Variants in CRTC1 observed in about 807,000 individuals in gnomAD.
The protein encoded by CRTC1 is CREB-regulated transcription coactivator 1.
In CRTC1, 18 loss-of-function variants were observed where a neutral mutation model predicts 66.1. The ratio of observed to expected loss-of-function variants is 0.27; its 90% CI spans 0.19 to 0.40. The LOEUF is 0.40. Among genes scored for constraint, CRTC1 ranks in the 10% least tolerant of loss-of-function variants. The probability of loss-of-function intolerance (pLI) is 1.00; values close to 1 mark genes in which losing one functional copy is unlikely to be tolerated. For synonymous variants in CRTC1, 416 were observed against 398.8 expected, an observed-to-expected ratio of 1.04 and a Z score of -0.51; for missense variants, 669 against 887.9, an observed-to-expected ratio of 0.75 and a Z score of 3.13.
Position 18,768,361 on chromosome 19 carries a change from G to T in CRTC1, c.1012-124G>T. 1.3e-6 allele frequency: 1 copy of T among 780,024 alleles called. No individual in the cohort carries two copies. The highest frequency in any genetic ancestry group is 2.0e-6 in the Non-Finnish European group (1 of 495,322). 48.3% of individuals were successfully genotyped at this position (780,024 alleles called of 1,614,324 possible). A position where few individuals can be genotyped will look rare whatever the true frequency, so the allele number is the denominator to read the frequency against. On this transcript the variant is annotated intron_variant, in intron 9 of 13. Transcript: ENST00000321949. This position sits in a 1 kb window ranked among gnomAD's most constrained non-coding sequence, Gnocchi z 5.6. ...CTCATCGTGAGGAGCACCCAGCCCA[G>T]GGGCTGCCTGTGATCACAGGGCCCT... is the stretch of plus-strand genomic sequence containing the variant.
chr19:18,727,451 C>T (rs1249673305), intron 1 of CRTC1, among the ~76,000 whole-genome samples: 7 of 150,332 alleles, frequency 4.7e-5, no homozygotes, highest in Non-Finnish European at 7.4e-5. Flanking sequence ...TATGGTGGCA[C>T]GCATCAGTAG....
At chr19:18,693,156 C>A (rs578036181) in intron 1 of CRTC1, among the ~76,000 whole-genome samples, 20 of 151,446 alleles carry the variant, frequency 1.3e-4, no homozygotes, top group African/African-American at 4.6e-4. Flanking sequence ...TTTGGGAGGC[C>A]GAGGTGGGCA....
intron 12 of CRTC1, 117 bp from the exon 13 acceptor site, chr19:18,775,524 C>T (rs1169064186): frequency 1.3e-5 from 12 of 947,028 alleles, no homozygotes; most frequent in African/African-American, 1.7e-5. Context: ...TGCCGAGCAT[C>T]CTGCAGGGAC....
chr19:18,772,634 C>T (rs1201054658), intron 11 of CRTC1, among the ~76,000 whole-genome samples: 1 of 152,210 alleles, frequency 6.6e-6, no homozygotes, highest in Non-Finnish European at 1.5e-5. Context: ...AGCCCCTCTG[C>T]CCCCATCTCC....
At chr19:18,776,842 G>A (rs1345444053) in intron 13 of CRTC1, among the ~76,000 whole-genome samples, 2 of 152,320 alleles carry the variant, frequency 1.3e-5, no homozygotes, top group East Asian at 1.9e-4. Flanking sequence ...CCTCATGGCT[G>A]AGGGAGCCGG....
At chr19:18,721,027 G>C (rs1232319379) in intron 1 of CRTC1, among the ~76,000 whole-genome samples, 1 of 152,140 alleles carries the variant, frequency 6.6e-6, no homozygotes, top group African/African-American at 2.4e-5. Context: ...GGCTCTAGGG[G>C]AGGATCCTTC....
At chr19:18,699,916 C>T (rs918903524) in intron 1 of CRTC1, among the ~76,000 whole-genome samples, 1 of 151,992 alleles carries the variant, frequency 6.6e-6, no homozygotes, top group East Asian at 1.9e-4. Context: ...CAGGTGTCCC[C>T]CGGAGATAGT....
chr19:18,768,890 A>G lies in CRTC1; in HGVS notation c.1320+97A>G, dbSNP rs2054799939. 2 of 1,443,678 alleles carry G rather than the reference A, an allele frequency of 1.4e-6. No homozygotes were observed. Among genetic ancestry groups the G allele is most frequent in the Non-Finnish European group, 1.8e-6 (2 of 1,087,686 alleles). The allele number at this position is 1,443,678 out of a possible 1,614,324, so 89.4% of individuals were successfully genotyped here. A position where few individuals can be genotyped will look rare whatever the true frequency, so the allele number is the denominator to read the frequency against. ...AGTCGGGTTACCTGCTGCATGGGCC[A>G]GGGGTCAGAACCCCAGCGAACGCTG... On this transcript the variant is annotated intron_variant, in intron 10 of 13. Transcript: ENST00000321949. The surrounding 1 kb of genome is among the most constrained non-coding windows in gnomAD (Gnocchi z 5.6).
chr19:18,690,102 G>A (rs565893877), intron 1 of CRTC1, among the ~76,000 whole-genome samples: 6 of 150,266 alleles, frequency 4.0e-5, no homozygotes, highest in Non-Finnish European at 5.9e-5. Flanking sequence ...GGAAGGGAAG[G>A]GGGGAGTGTC....
intron 1 of CRTC1, among the ~76,000 whole-genome samples, chr19:18,703,637 G>A (rs1327578496): frequency 6.6e-6 from 1 of 151,850 alleles, no homozygotes; most frequent in Admixed American, 6.6e-5. Context: ...TAATTTTTGC[G>A]TTTTTAGTAG....
intron 6 of CRTC1, among the ~76,000 whole-genome samples, chr19:18,754,100 CAAAAA>C (rs35678786): frequency 2.5e-5 from 2 of 80,786 alleles, no homozygotes; most frequent in African/African-American, 9.5e-5. Context: ...GACTCCATCT[CAAAAA>C]AAAAAAAAAA....
chr19:18,749,601 G>A lies in CRTC1; in HGVS notation c.444-180G>A, dbSNP rs150447675. Among the ~76,000 whole-genome samples the A allele has an allele frequency of 5.2e-3, 787 of 152,332 alleles. 6 individuals are homozygous for A. Among genetic ancestry groups the A allele is most frequent in the African/African-American group, 0.016 (668 of 41,578 alleles). On this transcript the variant is annotated intron_variant, in intron 4 of 13. Coordinates refer to ENST00000321949, the MANE Select transcript of CRTC1 (RefSeq NM_015321.3). ...TTCACGAGCTTTGCAGATGAACACC[G>A]CAGTCACTCTGGTGGCTCTTTTTAG...
chr19:18,708,070 A>G (rs1239036764), intron 1 of CRTC1, among the ~76,000 whole-genome samples: 2 of 152,200 alleles, frequency 1.3e-5, no homozygotes, highest in Non-Finnish European at 2.9e-5. Flanking sequence ...GCAGTGGGAC[A>G]TTAGGGGTGA....
chr19:18,771,295 G>A lies in CRTC1; in HGVS notation c.1321-147G>A. The A allele has an allele frequency of 1.6e-6, 1 of 632,558 alleles. No individual in the cohort carries two copies. Among genetic ancestry groups the A allele is most frequent in the Non-Finnish European group, 2.7e-6 (1 of 372,142 alleles). The allele number at this position is 632,558 out of a possible 1,614,324, so 39.2% of individuals were successfully genotyped here. ...TTCCTGCAGGTGTCCAGGCTCCTCT[G>A]CCTACCAGTGGGGTGGCGACCATCA... On this transcript the variant is annotated intron_variant, in intron 10 of 13. Coordinates refer to ENST00000321949, the MANE Select transcript of CRTC1 (RefSeq NM_015321.3). This position sits in a 1 kb window ranked among gnomAD's most constrained non-coding sequence, Gnocchi z 4.6.
intron 1 of CRTC1, among the ~76,000 whole-genome samples, chr19:18,731,319 G>A (rs1384280879): frequency 6.6e-6 from 1 of 152,106 alleles, no homozygotes; most frequent in Non-Finnish European, 1.5e-5. Flanking sequence ...CCAGCTCCTG[G>A]TGGCCCAGCG....
chr19:18,693,479 G>GT (rs1294890403), intron 1 of CRTC1, among the ~76,000 whole-genome samples: 1,999 of 129,618 alleles, frequency 0.015, 90 homozygotes, highest in South Asian at 0.022. Flanking sequence ...TAACTCTTTT[G>GT]TTTTTGTTTT....
Position 18,746,477 on chromosome 19 carries a change from T to C in CRTC1, c.381+517T>C, listed in dbSNP as rs982021433. ...TCGGTCACGCAGAGATCAGCCAGAG[T>C]CCCCCCCTCCCCCCCAACTCAGCCG... On this transcript the variant is annotated intron_variant, in intron 3 of 13. Transcript: ENST00000321949. 9.6e-4 allele frequency among the ~76,000 whole-genome samples: 132 copies of C among 137,180 alleles called. 1 individual carries two copies. Among genetic ancestry groups the C allele is most frequent in the African/African-American group, 3.2e-3 (122 of 38,476 alleles). The allele number at this position is 137,180 out of a possible 152,430, so 90.0% of individuals were successfully genotyped here.
At chr19:18,763,099 AT>A (rs777559265) in intron 8 of CRTC1, among the ~76,000 whole-genome samples, 31 of 149,862 alleles carry the variant, frequency 2.1e-4, no homozygotes, top group Middle Eastern at 3.5e-3. Context: ...ACTGTTTTTA[AT>A]TTTTTTTTTC....
chr19:18,723,507 G>A (rs947527927), intron 1 of CRTC1, among the ~76,000 whole-genome samples: 1 of 152,218 alleles, frequency 6.6e-6, no homozygotes, highest in Non-Finnish European at 1.5e-5. Context: ...CAGCCCAGAG[G>A]TGCGGAGCCA....
Sources: gnomAD v4.1 joint callset for allele counts (sites outside exome capture counted in the v4.1 genomes callset) on GRCh38, gnomAD v4.1.1 for gene constraint, Gnocchi (gnomAD v3.1) non-coding constraint, MANE v1.5 for transcripts, NCBI Gene and HGNC (gene_info 2026-07-23, HGNC 2026-07-21) for gene names.